Variants in TMCC1 observed in about 807,000 individuals in gnomAD.
The protein encoded by TMCC1 is transmembrane and coiled-coil domain family 1, also known as transmembrane and coiled-coil domains protein 1.
In TMCC1, 15 loss-of-function variants were observed where a neutral mutation model predicts 52.4. That is an observed-to-expected ratio of 0.29 (90% confidence interval 0.19 to 0.44). The LOEUF (loss-of-function observed/expected upper bound fraction) is 0.44, where lower values mean the gene tolerates loss of function less well. TMCC1 is among the 20% of genes least tolerant of loss of function. TMCC1 has a pLI of 1.00. For synonymous variants in TMCC1, 279 were observed against 301.9 expected (o/e 0.92, Z 0.79); for missense variants, 503 against 806.0 (o/e 0.62, Z 4.55).
chr3:129,757,724 G>A (rs778480218), intron 4 of TMCC1, among the ~76,000 whole-genome samples: 7 of 152,144 alleles, frequency 4.6e-5, no homozygotes, highest in Non-Finnish European at 8.8e-5. Flanking sequence ...AGCTACTTGG[G>A]AGGCTGAGGC....
chr3:129,757,723 G>T (rs897658320), intron 4 of TMCC1, among the ~76,000 whole-genome samples: 1 of 152,112 alleles, frequency 6.6e-6, no homozygotes, highest in Non-Finnish European at 1.5e-5. Flanking sequence ...CAGCTACTTG[G>T]GAGGCTGAGG....
chr3:129,809,778 A>G (rs751458573), intron 4 of TMCC1, among the ~76,000 whole-genome samples: 4 of 152,248 alleles, frequency 2.6e-5, no homozygotes, highest in East Asian at 3.8e-4. Flanking sequence ...TGCATTTTGC[A>G]AACAATTTTC....
intron 4 of TMCC1, among the ~76,000 whole-genome samples, chr3:129,818,477 A>G (rs1342327994): frequency 1.8e-5 from 2 of 108,172 alleles, no homozygotes; most frequent in Non-Finnish European, 3.6e-5. Flanking sequence ...AAAAGTTTTA[A>G]AGAAACTTTT....
At chr3:129,846,561 C>A (rs2059674346) in intron 2 of TMCC1, among the ~76,000 whole-genome samples, 2 of 152,252 alleles carry the variant, frequency 1.3e-5, no homozygotes, top group African/African-American at 4.8e-5. Context: ...CAACCACCTA[C>A]TAAGGGAATT....
At chr3:129,875,875 C>T (rs991550715) in intron 2 of TMCC1, among the ~76,000 whole-genome samples, 10 of 152,030 alleles carry the variant, frequency 6.6e-5, no homozygotes, top group East Asian at 1.9e-4. Flanking sequence ...GGCTCACGCC[C>T]GTAATCCCAG....
intron 4 of TMCC1, among the ~76,000 whole-genome samples, chr3:129,679,584 A>G (rs541724322): frequency 2.2e-4 from 34 of 152,272 alleles, no homozygotes; most frequent in African/African-American, 7.5e-4. Context: ...GATTACAGGT[A>G]TGAGCCATCA....
intron 4 of TMCC1, among the ~76,000 whole-genome samples, chr3:129,693,208 T>C (rs985278918): frequency 1.3e-5 from 2 of 152,242 alleles, no homozygotes; most frequent in Non-Finnish European, 2.9e-5. Context: ...AATGCCTTCA[T>C]CTATAATATG....
At chr3:129,833,415 T>A (rs1214035622) in intron 2 of TMCC1, among the ~76,000 whole-genome samples, 4 of 152,134 alleles carry the variant, frequency 2.6e-5, no homozygotes, top group African/African-American at 9.6e-5. Flanking sequence ...AAACAATTTT[T>A]AAAGATTAGC....
chr3:129,786,376 C>T (rs556675210), intron 4 of TMCC1, among the ~76,000 whole-genome samples: 13 of 152,112 alleles, frequency 8.5e-5, no homozygotes, highest in Admixed American at 2.0e-4. Flanking sequence ...GATTTGCATA[C>T]GAAGGAATTC....
At chr3:129,849,862 G>T (rs554445104) in intron 2 of TMCC1, among the ~76,000 whole-genome samples, 7 of 150,790 alleles carry the variant, frequency 4.6e-5, no homozygotes, top group African/African-American at 1.7e-4. Flanking sequence ...ATCCACTGAA[G>T]GGGATTACAT....
chr3:129,852,456 C>CAAAA (rs1015860543), intron 2 of TMCC1, among the ~76,000 whole-genome samples: 9 of 39,776 alleles, frequency 2.3e-4, no homozygotes, highest in African/African-American at 2.8e-4. Flanking sequence ...GACACCGTCT[C>CAAAA]AAAAAAAAAA....
rs2086322396 is a variant in TMCC1, at chr3:129,651,532, G to A, written c.1911C>T (p.His637=). ...LVVFIAFLWK[H]WDALFSYVER... ...CCACATAGCTGAAGAGGGCGTCCCA[G>A]TGCTTCCAGAGAAAGGCAATAAAAA... Residue 637 remains histidine, a synonymous_variant, in exon 7 of 7, where the codon CAC becomes CAT. Transcript: ENST00000393238. This position sits in a 1 kb window ranked among gnomAD's most constrained non-coding sequence, Gnocchi z 5.1. 6.2e-7 allele frequency: 1 copy of A among 1,614,206 alleles called. No individual in the cohort carries two copies. Among genetic ancestry groups the A allele is most frequent in the African/African-American group, 1.3e-5 (1 of 75,042 alleles).
rs529070601 is a variant in TMCC1 at position 129,765,793 on chromosome 3, C to A, written c.576+62010G>T. Among the ~76,000 whole-genome samples the A allele has an allele frequency of 5.9e-5, 9 of 152,046 alleles. No homozygotes were observed. The South Asian group carries it at 1.9e-3, about 32-fold the overall frequency. ...CTTTAGTCAGTATCCAACTAATTAT[C>A]CTAATTCTATTGTCTAAAAATAAGA... On this transcript the variant is annotated intron_variant, in intron 4 of 6. Coordinates refer to ENST00000393238, the MANE Select transcript of TMCC1 (RefSeq NM_001017395.5).
chr3:129,870,759 C>CAA (rs61673201), intron 2 of TMCC1, among the ~76,000 whole-genome samples: 4,189 of 10,670 alleles, frequency 0.39, 1,157 homozygotes, highest in African/African-American at 0.5. Context: ...GACTCCATCT[C>CAA]AAAAAAAAAA....
intron 4 of TMCC1, among the ~76,000 whole-genome samples, chr3:129,706,748 C>CT (rs1163278354): frequency 6.6e-6 from 1 of 152,134 alleles, no homozygotes; most frequent in African/African-American, 2.4e-5. Context: ...TAAAATAAGG[C>CT]TTCCTAAAGT....
At chr3:129,692,836 C>CATTTATTT in intron 4 of TMCC1, among the ~76,000 whole-genome samples, 1 of 152,088 alleles carries the variant, frequency 6.6e-6, no homozygotes, top group East Asian at 1.9e-4. Context: ...AAAGACAAAT[C>CATTTATTT]ATTTATTTAT....
chr3:129,791,674 G>GT (rs779983041), intron 4 of TMCC1, among the ~76,000 whole-genome samples: 1 of 152,186 alleles, frequency 6.6e-6, no homozygotes. Flanking sequence ...GAAGTCACAT[G>GT]TAAGATAACT....
At chr3:129,682,499 A>T (rs1285051838) in intron 4 of TMCC1, among the ~76,000 whole-genome samples, 2 of 152,116 alleles carry the variant, frequency 1.3e-5, no homozygotes, top group Non-Finnish European at 2.9e-5. Flanking sequence ...TAGGCCCTTA[A>T]AAAGCTCAGT....
At chr3:129,746,345 ATTTTTT>A (rs66466206) in intron 4 of TMCC1, among the ~76,000 whole-genome samples, 1 of 144,958 alleles carries the variant, frequency 6.9e-6, no homozygotes, top group Admixed American at 6.8e-5. Context: ...TCATTTTTGT[ATTTTTT>A]TTTTTTTTAA....
Sources: gnomAD v4.1 joint callset for allele counts (sites outside exome capture counted in the v4.1 genomes callset) on GRCh38, gnomAD v4.1.1 for gene constraint, Gnocchi (gnomAD v3.1) non-coding constraint, MANE v1.5 for transcripts, NCBI Gene and HGNC (gene_info 2026-07-23, HGNC 2026-07-21) for gene names.